The following BABAM2 variants were observed in gnomAD, a reference collection of about 807,000 sequenced individuals.
BABAM2 encodes BRISC and BRCA1 A complex member 2.
A neutral mutation model predicts 54.7 loss-of-function variants in BABAM2; 31 were observed. The ratio of observed to expected loss-of-function variants is 0.57; its 90% CI spans 0.43 to 0.77. The LOEUF (loss-of-function observed/expected upper bound fraction) is 0.77, where lower values mean the gene tolerates loss of function less well. BABAM2 is among the 30% of genes least tolerant of loss of function. The pLI is 0.00. For synonymous variants in BABAM2, 167 were observed against 162.9 expected (o/e 1.03, Z -0.19); for missense variants, 364 against 455.8 (o/e 0.80, Z 1.83).
chr2:28,162,249 C>T (rs533146571), intron 7 of BABAM2, among the ~76,000 whole-genome samples: 15 of 152,184 alleles, frequency 9.9e-5, no homozygotes, highest in East Asian at 1.9e-4. Context: ...TACCTCACAC[C>T]GGGACAGTAA....
chr2:28,042,387 C>T (rs1677172619), intron 5 of BABAM2, among the ~76,000 whole-genome samples: 1 of 152,240 alleles, frequency 6.6e-6, no homozygotes, highest in South Asian at 2.1e-4. Context: ...CCCAGGCATA[C>T]CCCAATCTCC....
intron 5 of BABAM2, among the ~76,000 whole-genome samples, chr2:28,037,563 A>G (rs1676758037): frequency 6.6e-6 from 1 of 152,212 alleles, no homozygotes. Flanking sequence ...GTATGTCTGT[A>G]AGATAAATAA....
At chr2:28,169,563 C>G (rs1343007753) in intron 7 of BABAM2, among the ~76,000 whole-genome samples, 7 of 151,936 alleles carry the variant, frequency 4.6e-5, no homozygotes, top group Non-Finnish European at 1.0e-4. Flanking sequence ...GATCACTTGA[C>G]CCCAGGAGTT....
intron 10 of BABAM2, among the ~76,000 whole-genome samples, chr2:28,297,005 T>C (rs1312409882): frequency 6.6e-6 from 1 of 152,150 alleles, no homozygotes; most frequent in African/African-American, 2.4e-5. Context: ...CTGGTATGTA[T>C]TTTTAAATAT....
intron 6 of BABAM2, among the ~76,000 whole-genome samples, chr2:28,112,712 G>A (rs1350752288): frequency 6.6e-6 from 1 of 152,044 alleles, no homozygotes; most frequent in Non-Finnish European, 1.5e-5. Context: ...TAATCCTTTG[G>A]GTATATACCC....
At chr2:28,298,534 G>A (rs1264674984) in intron 11 of BABAM2, 43 bp downstream of exon 11, 2 of 1,612,084 alleles carry the variant, frequency 1.2e-6, no homozygotes, top group South Asian at 2.2e-5. Context: ...AGAGCATTTT[G>A]TTTATCTAGT....
chr2:27,983,610 A>G (rs1400353972), intron 3 of BABAM2, among the ~76,000 whole-genome samples: 1 of 152,006 alleles, frequency 6.6e-6, no homozygotes. Context: ...CTTTCCATTT[A>G]TTTAGGCCTT....
chr2:28,227,448 T>G (rs1446715223), intron 7 of BABAM2, among the ~76,000 whole-genome samples: 3 of 152,228 alleles, frequency 2.0e-5, no homozygotes, highest in Non-Finnish European at 4.4e-5. Context: ...GTCTGTGTCC[T>G]CGTTACTTCC....
chr2:28,010,572 T>C (rs1245758783), intron 4 of BABAM2, among the ~76,000 whole-genome samples: 1 of 152,136 alleles, frequency 6.6e-6, no homozygotes, highest in East Asian at 1.9e-4. Flanking sequence ...AGGGTGATAA[T>C]GGTGTTGTGG....
intron 4 of BABAM2, among the ~76,000 whole-genome samples, chr2:27,992,090 G>A (rs568038919): frequency 1.3e-4 from 20 of 152,274 alleles, no homozygotes; most frequent in African/African-American, 4.3e-4. Flanking sequence ...CAAATGAAGT[G>A]GTATCGCACT....
intron 8 of BABAM2, among the ~76,000 whole-genome samples, chr2:28,240,373 T>G (rs1489614): frequency 6.6e-6 from 1 of 152,100 alleles, no homozygotes; most frequent in African/African-American, 2.4e-5. Flanking sequence ...ATCCTCCTGC[T>G]TCAGACTCCC....
intron 2 of BABAM2, among the ~76,000 whole-genome samples, chr2:27,897,722 G>C (rs796456943): frequency 1.6e-4 from 25 of 152,122 alleles, no homozygotes; most frequent in African/African-American, 5.5e-4. Context: ...GACTTCCCCA[G>C]CTTATAAATG....
At chr2:28,314,423 G>C (rs1292811139) in intron 11 of BABAM2, among the ~76,000 whole-genome samples, 2 of 152,174 alleles carry the variant, frequency 1.3e-5, no homozygotes, top group Non-Finnish European at 2.9e-5. Context: ...ATTAAGGTCT[G>C]AGTTATCCCA....
intron 4 of BABAM2, among the ~76,000 whole-genome samples, chr2:28,020,891 C>T (rs115248617): frequency 6.6e-5 from 10 of 151,328 alleles, no homozygotes; most frequent in Non-Finnish European, 2.9e-5. Context: ...TAGCTAGATT[C>T]CCAGAAATAA....
chr2:27,888,982 G>C (rs987933184), upstream of BABAM2, among the ~76,000 whole-genome samples: 2 of 152,200 alleles, frequency 1.3e-5, no homozygotes, highest in Non-Finnish European at 2.9e-5. Context: ...CACAGTGTCT[G>C]ACAGAATAGT....
intron 6 of BABAM2, among the ~76,000 whole-genome samples, chr2:28,115,881 G>A (rs1026706826): frequency 4.6e-5 from 7 of 151,964 alleles, no homozygotes; most frequent in African/African-American, 1.4e-4. Flanking sequence ...TTGGGATGCC[G>A]AGGTGGGTGG....
intron 6 of BABAM2, among the ~76,000 whole-genome samples, chr2:28,053,348 G>T (rs186237031): frequency 1.3e-5 from 2 of 152,106 alleles, no homozygotes; most frequent in Admixed American, 6.5e-5. Flanking sequence ...CAAAATAGTC[G>T]TCTGGTACTT....
chr2:28,026,852 T>TTA (rs370412521), intron 5 of BABAM2, among the ~76,000 whole-genome samples: 39,364 of 64,276 alleles, frequency 0.61, 12,659 homozygotes, highest in South Asian at 0.71. Context: ...AAATATATAT[T>TTA]TATATATATA....
At chr2:27,888,965 A>G (rs993902690), upstream of BABAM2, among the ~76,000 whole-genome samples, 1 of 152,254 alleles carries the variant, frequency 6.6e-6, no homozygotes, top group African/African-American at 2.4e-5. Context: ...AAGTATTTTT[A>G]TCTTGGCACA....
Sources: gnomAD v4.1 joint callset for allele counts (sites outside exome capture counted in the v4.1 genomes callset) on GRCh38, gnomAD v4.1.1 for gene constraint, MANE v1.5 for transcripts, NCBI Gene and HGNC (gene_info 2026-07-23, HGNC 2026-07-21) for gene names.